STXBP2: variants seen among roughly 807,000 people sequenced by gnomAD.
STXBP2 encodes the protein syntaxin binding protein 2.
In STXBP2, 47 loss-of-function variants were observed where a neutral mutation model predicts 72.2. The ratio of observed to expected loss-of-function variants is 0.65; its 90% confidence interval spans 0.51 to 0.83. The LOEUF is 0.83. Ranked by LOEUF, STXBP2 falls within the 40% of genes least tolerant of loss-of-function variation. STXBP2 has a pLI of 0.00. For missense variants in STXBP2, 702 were observed against 807.6 expected, an observed-to-expected ratio of 0.87 and a Z score of 1.58; for synonymous variants, 367 against 338.7, an observed-to-expected ratio of 1.08 and a Z score of -0.92.
At chr19:7,647,327 T>A (rs1434086509) in intron 17 of STXBP2, 27 bp from the exon 18 acceptor site, 1 of 1,612,606 alleles carries the variant, frequency 6.2e-7, no homozygotes, top group Admixed American at 1.7e-5. Flanking sequence ...GCCTCCTGCC[T>A]GGACTTTCTG....
chr19:7,643,269 A>C, intron 13 of STXBP2, 24 bp downstream of exon 13: 1 of 1,511,832 alleles, frequency 6.6e-7, no homozygotes, highest in Non-Finnish European at 9.0e-7. Context: ...TGCGGGGGGC[A>C]GGGGTGATGG....
the STXBP2 span, chr19:7,630,016 A>G: frequency 5.1e-6 from 4 of 784,012 alleles, no homozygotes; most frequent in Non-Finnish European, 6.9e-6. Flanking sequence ...AATCCAGGAG[A>G]GGGGACGCTG....
upstream of STXBP2, chr19:7,633,388 G>A (rs1263934563): frequency 4.5e-6 from 7 of 1,562,046 alleles, no homozygotes; most frequent in Admixed American, 7.6e-5. Flanking sequence ...GGGGTGGGGT[G>A]GGGGCAGGGC....
chr19:7,631,808 C>G, the STXBP2 span: 2 of 1,402,972 alleles, frequency 1.4e-6, no homozygotes, highest in Non-Finnish European at 1.9e-6. Flanking sequence ...TGTGCTCCGT[C>G]CTGTGGATGA....
In STXBP2 at chr19:7,641,013, G is replaced by A. The variant is rs771645875; in HGVS notation, c.429+10G>A. 8.7e-6 allele frequency: 14 copies of A among 1,613,442 alleles called. No individual in the cohort carries two copies. Among genetic ancestry groups the A allele is most frequent in the African/African-American group, 1.3e-5 (1 of 74,880 alleles). ...CCCCTACGAGGCCCAGGTACGGCCC[G>A]GGCTCATCCTGGGCAGGGGGTGGGG... is the stretch of plus-strand genomic sequence containing the variant. On this transcript the variant is annotated intron_variant, in intron 6 of 18. Coordinates refer to ENST00000221283, the MANE Select transcript of STXBP2 (RefSeq NM_006949.4).
rs2146220254 is a variant in STXBP2, at chr19:7,642,933, C to T, written c.961-50C>T. 1 of 1,613,036 alleles carries T rather than the reference C, an allele frequency of 6.2e-7. No individual in the cohort carries two copies. The highest frequency in any genetic ancestry group is 1.1e-5 in the South Asian group (1 of 91,058). The stretch of plus-strand genomic sequence containing the variant: ...GCCTGGACTGAGACCCAGGTGGGCA[C>T]TGCCTGGCTTCGCCCCCCAATCCCT... On this transcript the variant is annotated intron_variant, in intron 11 of 18. Transcript: ENST00000221283. The surrounding 1 kb of genome is among the most constrained non-coding windows in gnomAD (Gnocchi z 6.0).
upstream of STXBP2, chr19:7,633,376 TG>T: frequency 6.5e-7 from 1 of 1,549,382 alleles, no homozygotes; most frequent in Admixed American, 1.9e-5. Flanking sequence ...GACCTTGAGC[TG>T]GGGGTGGGGT....
upstream of STXBP2, chr19:7,632,500 CG>C (rs761710991): frequency 1.2e-6 from 2 of 1,613,480 alleles, no homozygotes; most frequent in Admixed American, 1.7e-5. The surrounding 1 kb of genome is among the most constrained non-coding windows in gnomAD (Gnocchi z 5.2). Flanking sequence ...CTGTCCATCT[CG>C]GGGGTGGGGT....
rs146551063 is a variant in STXBP2, at chr19:7,647,691, C to G, written c.1697-34C>G. ...CTGTCAAAGACGAAGGCAGCGCCCC[C>G]CAACATCTTCCCCAAACCTCTGCCC... On this transcript the variant is annotated intron_variant, in intron 18 of 18. Transcript: ENST00000221283. The G allele has an allele frequency of 9.0e-3, 14,510 of 1,612,302 alleles. 802 individuals are homozygous for G. In the Admixed American group the frequency reaches 0.15, roughly 16 times the overall value.
At chr19:7,638,110 G>C (rs2031633885) in intron 1 of STXBP2, among the ~76,000 whole-genome samples, 1 of 152,214 alleles carries the variant, frequency 6.6e-6, no homozygotes, top group Non-Finnish European at 1.5e-5. Flanking sequence ...TGGCGCTAGA[G>C]GCAGATAGAG....
intron 13 of STXBP2, chr19:7,644,254 C>G (rs55773979): frequency 8.7e-6 from 1 of 115,272 alleles, no homozygotes. Flanking sequence ...GGTGGAACCT[C>G]GGAGAGGTGG....
rs200855062 is a variant in STXBP2 at position 7,642,219 on chromosome 19, G to T, written c.680G>T (p.Arg227Leu). The T allele has an allele frequency of 6.2e-7, 1 of 1,613,972 alleles. No homozygotes were observed. The highest frequency in any genetic ancestry group is 1.3e-5 in the African/African-American group (1 of 74,876). The change falls in exon 9 of 19, where the codon CGC becomes CTC. Residue 227 changes from arginine to leucine, a missense_variant. By Grantham distance (102) the Arg-to-Leu change is moderately radical. Coordinates refer to ENST00000221283, the MANE Select transcript of STXBP2 (RefSeq NM_006949.4). This position sits in a 1 kb window ranked among gnomAD's most constrained non-coding sequence, Gnocchi z 6.0. ...CCACCCCAGGGCCCAGAGAAAACCC[G>T]CTCCCAGCTGCTGATAATGGACCGG... is the stretch of plus-strand genomic sequence containing the variant. ...PSLGEGPEKT[R>L]SQLLIMDRAA...
Position 7,640,528 on chromosome 19 carries a change from GTGTA to G in STXBP2, c.247-199_247-196del, listed in dbSNP as rs369546257. Reference sequence around the variant, plus strand: ...TGTGTGTGTGCATGTGTGCATGCGTGTGTATGTGTGTGTGCGTGCGTGCATCTGT... The same window carrying G: ...TGTGTGTGTGCATGTGTGCATGCGTGTGTGTGTGTGCGTGCGTGCATCTGT... On this transcript the variant is annotated intron_variant, in intron 4 of 18. Coordinates refer to ENST00000221283, the MANE Select transcript of STXBP2 (RefSeq NM_006949.4). The G allele has an allele frequency of 2.8e-3, 1,975 of 703,106 alleles. 25 individuals carry two copies. The African/African-American group carries it at 0.03, about 11-fold the overall frequency. 43.6% of individuals were successfully genotyped at this position (703,106 alleles called of 1,614,324 possible). A position where few individuals can be genotyped will look rare whatever the true frequency, so the allele number is the denominator to read the frequency against.
At chr19:7,638,945 C>T (rs926646442) in intron 2 of STXBP2, 74 bp from the exon 3 acceptor site, 36 of 1,593,386 alleles carry the variant, frequency 2.3e-5, no homozygotes, top group Non-Finnish European at 2.7e-5. Flanking sequence ...CCTCCCACTG[C>T]CTTGGCCCCT....
At chr19:7,638,814 T>C (rs757088115) in intron 2 of STXBP2, 39 bp downstream of exon 2, 7 of 1,613,112 alleles carry the variant, frequency 4.3e-6, no homozygotes, top group Non-Finnish European at 5.9e-6. Context: ...CAGAGGCAGC[T>C]CATCATCAGG....
At chr19:7,645,007 CT>C (rs770334199) in intron 14 of STXBP2, 189 bp from the exon 15 acceptor site, 72 of 1,450,170 alleles carry the variant, frequency 5.0e-5, no homozygotes, top group Non-Finnish European at 6.2e-5. Flanking sequence ...CTCAGCTCAT[CT>C]GGAGGAGCCC....
rs1354031246 is a variant in STXBP2, at chr19:7,640,442, A to C, written c.247-289A>C. On this transcript the variant is annotated intron_variant, in intron 4 of 18. Coordinates refer to ENST00000221283, the MANE Select transcript of STXBP2 (RefSeq NM_006949.4). ...TGTGCGCGCGCATCTGTGTGTGTGCATGTGTGTATGTATGTGTGTGCATCT... is the reference window on the plus strand; with the variant it reads ...TGTGCGCGCGCATCTGTGTGTGTGCCTGTGTGTATGTATGTGTGTGCATCT... 1.0e-5 allele frequency: 6 copies of C among 601,832 alleles called. No homozygotes were observed. The African/African-American group carries it at 1.1e-4, about 11-fold the overall frequency. 37.3% of individuals were successfully genotyped at this position (601,832 alleles called of 1,614,324 possible). A position where few individuals can be genotyped will look rare whatever the true frequency, so the allele number is the denominator to read the frequency against.
chr19:7,641,091 G>T, intron 6 of STXBP2, 88 bp downstream of exon 6: 1 of 1,367,856 alleles, frequency 7.3e-7, no homozygotes, highest in Non-Finnish European at 1.0e-6. Context: ...GAGGCTGGGC[G>T]CAGTGGCTCA....
chr19:7,630,439 G>A, the STXBP2 span: 2 of 690,156 alleles, frequency 2.9e-6, no homozygotes, highest in African/African-American at 1.8e-5. Flanking sequence ...ACCCTTGGTG[G>A]GAGTTCTGGG....
Sources: allele counts gnomAD v4.1 joint callset (sites outside exome capture counted in the v4.1 genomes callset), GRCh38; gene constraint gnomAD v4.1.1; non-coding constraint Gnocchi (gnomAD v3.1); transcripts MANE v1.5; gene names NCBI Gene and HGNC (gene_info 2026-07-23, HGNC 2026-07-21).